Variants in SNX31 observed in about 807,000 individuals in gnomAD.
SNX31 encodes the protein sorting nexin-31.
SNX31 carries 58 observed loss-of-function variants against 65.4 expected under a neutral mutation model. The ratio of observed to expected loss-of-function variants is 0.89; its 90% CI spans 0.72 to 1.10. The LOEUF (loss-of-function observed/expected upper bound fraction) is 1.10. Ranked by LOEUF, SNX31 falls within the 50% of genes least tolerant of loss-of-function variation. The pLI is 0.00. For synonymous variants in SNX31, 181 were observed against 190.1 expected (o/e 0.95, Z 0.39); for missense variants, 523 against 529.7 (o/e 0.99, Z 0.12).
chr8:100,591,925 C>T (rs1052106169), intron 10 of SNX31, among the ~76,000 whole-genome samples: 4 of 152,126 alleles, frequency 2.6e-5, no homozygotes, highest in African/African-American at 9.7e-5. Flanking sequence ...TAAAATGCGA[C>T]ATTCAATAAT....
intron 5 of SNX31, among the ~76,000 whole-genome samples, chr8:100,617,249 T>A (rs1201948933): frequency 1.3e-5 from 2 of 152,212 alleles, no homozygotes; most frequent in Non-Finnish European, 2.9e-5. Flanking sequence ...AGGTATGACC[T>A]GTTTCAGACT....
chr8:100,649,803 T>A, upstream of SNX31: 1 of 393,100 alleles, frequency 2.5e-6, no homozygotes, highest in Non-Finnish European at 4.5e-6. Context: ...CGGCCACTGT[T>A]GGCATTTTCT....
intron 8 of SNX31, among the ~76,000 whole-genome samples, chr8:100,605,058 C>A (rs1816020854): frequency 6.6e-6 from 1 of 152,058 alleles, no homozygotes; most frequent in Non-Finnish European, 1.5e-5. Flanking sequence ...GCCACCGTGC[C>A]CAGCTAATTT....
rs761487848 is a variant in SNX31, at chr8:100,635,904, C to T, written c.249G>A (p.Leu83=). The change falls in exon 3 of 14, where the codon TTG becomes TTA. Residue 83 remains leucine (L), a synonymous_variant. Coordinates refer to ENST00000311812, the MANE Select transcript of SNX31 (RefSeq NM_152628.4). ...AACCCTGCAAATACATACCATTTTG[C>T]AAATATTGTTCCAGTTGGTCCCTCC... ...DERRDQLEQY[L]QNVTMDPNVL... 2.2e-5 allele frequency: 35 copies of T among 1,611,516 alleles called. No homozygotes were observed. The highest frequency in any genetic ancestry group is 1.8e-4 in the Admixed American group (11 of 59,964).
rs1291148796 is a variant in SNX31 at position 100,614,618 on chromosome 8, T to C, written c.433-1533A>G. 6.6e-6 allele frequency among the ~76,000 whole-genome samples: 1 copy of C among 152,132 alleles called. No homozygotes were observed. Among genetic ancestry groups the C allele is most frequent in the African/African-American group, 2.4e-5 (1 of 41,430 alleles). ...GGCCCGGCACGGTGGCTCATGCCTG[T>C]AATCCCAGCACTTTGGAAGGCTGAG... On this transcript the variant is annotated intron_variant, in intron 5 of 13. Coordinates refer to ENST00000311812, the MANE Select transcript of SNX31 (RefSeq NM_152628.4). The surrounding 1 kb of genome is among the most constrained non-coding windows in gnomAD (Gnocchi z 5.1).
chr8:100,662,727 A>T (rs917523459), intron 1 of SNX31, among the ~76,000 whole-genome samples: 16 of 152,082 alleles, frequency 1.1e-4, no homozygotes, highest in Non-Finnish European at 4.4e-5. Flanking sequence ...AATAACTGCC[A>T]TCCTTTCTCA....
intron 9 of SNX31, among the ~76,000 whole-genome samples, chr8:100,598,488 G>T (rs1328951998): frequency 6.7e-6 from 1 of 149,894 alleles, no homozygotes; most frequent in Non-Finnish European, 1.5e-5. Context: ...AGAAAGGAAA[G>T]TGTTTGTTTA....
At chr8:100,640,116 A>ATT (rs1554586942) in intron 2 of SNX31, among the ~76,000 whole-genome samples, 1 of 91,702 alleles carries the variant, frequency 1.1e-5, no homozygotes, top group Non-Finnish European at 2.0e-5. Context: ...ACATCAGATA[A>ATT]TTTCTTTTCT....
intron 11 of SNX31, among the ~76,000 whole-genome samples, chr8:100,585,853 A>G (rs932553376): frequency 5.9e-5 from 9 of 152,232 alleles, no homozygotes; most frequent in Admixed American, 6.5e-5. Flanking sequence ...ATAAACTGTC[A>G]GGTTTATTAA....
rs1391058487 is a variant in SNX31 at position 100,622,540 on chromosome 8, A to T, written c.322-4810T>A. On this transcript the variant is annotated intron_variant, in intron 4 of 13. Transcript: ENST00000311812. This position sits in a 1 kb window ranked among gnomAD's most constrained non-coding sequence, Gnocchi z 5.0. Reference sequence around the variant, plus strand: ...GTGGCACATGCCTGTAATCTCAGCTACTTGGGAGGCTGAGGCAGGAGAATC... The same window carrying T: ...GTGGCACATGCCTGTAATCTCAGCTTCTTGGGAGGCTGAGGCAGGAGAATC... 6.6e-6 allele frequency among the ~76,000 whole-genome samples: 1 copy of T among 152,072 alleles called. No homozygotes were observed. The highest frequency in any genetic ancestry group is 1.5e-5 in the Non-Finnish European group (1 of 67,994).
rs1172827468 is a variant in SNX31 at position 100,648,204 on chromosome 8, A to G, written c.141+1070T>C. Among the ~76,000 whole-genome samples, 2 of 152,238 alleles carry G rather than the reference A, an allele frequency of 1.3e-5. No individual in the cohort carries two copies. Among genetic ancestry groups the G allele is most frequent in the Non-Finnish European group, 2.9e-5 (2 of 68,048 alleles). On this transcript the variant is annotated intron_variant, in intron 2 of 13. Transcript: ENST00000311812. The surrounding 1 kb of genome is among the most constrained non-coding windows in gnomAD (Gnocchi z 4.3). The stretch of plus-strand genomic sequence containing the variant: ...CGGTCAACAGAAGATGGTTAAATGA[A>G]ACATGGTGTATCTAACTCACTAGAA...
chr8:100,659,337 G>C (rs1010949135), intron 1 of SNX31, among the ~76,000 whole-genome samples: 1 of 114,670 alleles, frequency 8.7e-6, no homozygotes. Context: ...CTGGGCGACA[G>C]AGCAAAACTC....
intron 13 of SNX31, 53 bp from the exon 14 acceptor site, chr8:100,574,013 T>C (rs1172351532): frequency 9.2e-7 from 1 of 1,084,162 alleles, no homozygotes; most frequent in African/African-American, 1.6e-5. Context: ...ATCATTTCCA[T>C]AACAATAACA....
intron 2 of SNX31, 63 bp from the exon 3 acceptor site, chr8:100,636,074 C>A: frequency 8.1e-7 from 1 of 1,229,524 alleles, no homozygotes; most frequent in Non-Finnish European, 1.2e-6. Flanking sequence ...GATGAGATTA[C>A]TAAAGTCTCC....
chr8:100,658,008 G>A, intron 1 of SNX31: 1 of 354,158 alleles, frequency 2.8e-6, no homozygotes, highest in Non-Finnish European at 5.5e-6. Flanking sequence ...ACCTCGGCAG[G>A]TCAGTTCAGC....
At chr8:100,633,448 G>T (rs191691182) in intron 3 of SNX31, among the ~76,000 whole-genome samples, 14 of 152,164 alleles carry the variant, frequency 9.2e-5, no homozygotes, top group African/African-American at 3.1e-4. Flanking sequence ...TCACTGCCCA[G>T]GCTGGAGTGC....
At chr8:100,649,668 A>G (rs777581000), upstream of SNX31, 52 of 660,450 alleles carry the variant, frequency 7.9e-5, no homozygotes, top group Middle Eastern at 4.4e-4. Context: ...GGACATCTAC[A>G]GGTGGGGCCG....
At chr8:100,621,790 G>A (rs1817713069) in intron 4 of SNX31, among the ~76,000 whole-genome samples, 1 of 152,250 alleles carries the variant, frequency 6.6e-6, no homozygotes, top group Non-Finnish European at 1.5e-5. Flanking sequence ...AGGATGAGAG[G>A]AATTGGTGGC....
At position 100,610,080 on chromosome 8, in the gene SNX31, C is replaced by G. The variant is rs1485558473; in HGVS notation, c.612-1517G>C. Among the ~76,000 whole-genome samples, 3 of 152,252 alleles carry G rather than the reference C, an allele frequency of 2.0e-5. No individual in the cohort carries two copies. In the East Asian group the frequency reaches 5.8e-4, roughly 29 times the overall value. On this transcript the variant is annotated intron_variant, in intron 7 of 13. Transcript: ENST00000311812. This position sits in a 1 kb window ranked among gnomAD's most constrained non-coding sequence, Gnocchi z 4.0. ...GCAGGAGCCTATGCCAGAATCTCCC[C>G]TCCAGAGACCTGATCCTCAGCTCTG...
Sources: gnomAD v4.1 joint callset for allele counts (sites outside exome capture counted in the v4.1 genomes callset) on GRCh38, gnomAD v4.1.1 for gene constraint, Gnocchi (gnomAD v3.1) non-coding constraint, MANE v1.5 for transcripts, NCBI Gene and HGNC (gene_info 2026-07-23, HGNC 2026-07-21) for gene names.